Variants in EPB41L2 observed in about 807,000 individuals in gnomAD.
The protein encoded by EPB41L2 is erythrocyte membrane protein band 4.1 like 2.
A neutral mutation model predicts 113.0 loss-of-function variants in EPB41L2; 43 were observed. The ratio of observed to expected loss-of-function variants is 0.38; its 90% CI spans 0.30 to 0.49. EPB41L2 has a LOEUF of 0.49. EPB41L2 is among the 20% of genes least tolerant of loss of function. The pLI is 0.95. For synonymous variants in EPB41L2, 442 were observed against 436.7 expected (o/e 1.01, Z -0.15); for missense variants, 1,147 against 1,223.4 (o/e 0.94, Z 0.93).
At chr6:130,880,606 C>G in intron 12 of EPB41L2, 1 of 509,888 alleles carries the variant, frequency 2.0e-6, no homozygotes. Flanking sequence ...CCAACCTTTA[C>G]TGTGAGGCCC....
intron 1 of EPB41L2, among the ~76,000 whole-genome samples, chr6:130,995,679 T>C (rs1380960524): frequency 1.3e-5 from 2 of 152,336 alleles, no homozygotes; most frequent in South Asian, 2.1e-4. Flanking sequence ...ACATAGTATA[T>C]ATCTGAACCA....
intron 4 of EPB41L2, 83 bp from the exon 5 acceptor site, chr6:130,908,946 G>T: frequency 9.1e-7 from 1 of 1,095,364 alleles, no homozygotes; most frequent in Non-Finnish European, 1.3e-6. Flanking sequence ...AATTATTTAA[G>T]TGTAAACACA....
At chr6:130,947,023 C>A (rs1000657011) in intron 3 of EPB41L2, among the ~76,000 whole-genome samples, 2 of 142,972 alleles carry the variant, frequency 1.4e-5, no homozygotes, top group Non-Finnish European at 1.5e-5. Flanking sequence ...GAAGACCCCC[C>A]CCCCAGCCCC....
chr6:130,988,270 CA>C (rs933576551), intron 1 of EPB41L2, among the ~76,000 whole-genome samples: 18 of 152,116 alleles, frequency 1.2e-4, no homozygotes, highest in African/African-American at 4.1e-4. Context: ...TGCCAAGATT[CA>C]AGGCCAGAAG....
rs9375793 is a variant in EPB41L2, at chr6:130,998,143, G to A, written c.-14-41644C>T. ...ACTCCATTTTATAAGTAAGGAAATT[G>A]AGTCTTAGAGATATAACATAGCTCA... On this transcript the variant is annotated intron_variant, in intron 1 of 19. Coordinates refer to ENST00000337057, the MANE Select transcript of EPB41L2 (RefSeq NM_001431.4). Among the ~76,000 whole-genome samples the A allele has an allele frequency of 4.1e-3, 623 of 152,280 alleles. 38 individuals carry two copies. The East Asian group carries it at 0.095, about 23-fold the overall frequency.
chr6:130,915,085 C>T (rs1439104852), intron 4 of EPB41L2, among the ~76,000 whole-genome samples: 2 of 152,020 alleles, frequency 1.3e-5, no homozygotes, highest in African/African-American at 2.4e-5. Flanking sequence ...GGGCGGATCA[C>T]GAGGTCAGGA....
At chr6:130,857,549 C>CTTTTTTTTT (rs10557309) in intron 19 of EPB41L2, among the ~76,000 whole-genome samples, 1 of 72,818 alleles carries the variant, frequency 1.4e-5, no homozygotes, top group Non-Finnish European at 2.4e-5. Context: ...TCAGATGTAT[C>CTTTTTTTTT]TTTTTTTTTT....
intron 1 of EPB41L2, among the ~76,000 whole-genome samples, chr6:130,983,557 C>A (rs1398307084): frequency 6.7e-6 from 1 of 149,210 alleles, no homozygotes; most frequent in Non-Finnish European, 1.5e-5. Flanking sequence ...CTTGAGTTCA[C>A]CTGAAAGTTC....
chr6:130,941,852 TAA>T (rs1811011723), intron 3 of EPB41L2, among the ~76,000 whole-genome samples: 1 of 152,184 alleles, frequency 6.6e-6, no homozygotes, highest in Non-Finnish European at 1.5e-5. Flanking sequence ...CTCCAGAATA[TAA>T]GAGTCAAAAC....
intron 4 of EPB41L2, among the ~76,000 whole-genome samples, chr6:130,910,741 GA>G (rs1487329523): frequency 6.6e-6 from 1 of 152,192 alleles, no homozygotes; most frequent in Non-Finnish European, 1.5e-5. Flanking sequence ...CTCAAAAGAA[GA>G]CATTTATGTG....
At chr6:130,971,251 T>G (rs1222780582) in intron 1 of EPB41L2, among the ~76,000 whole-genome samples, 2 of 152,220 alleles carry the variant, frequency 1.3e-5, no homozygotes, top group Non-Finnish European at 2.9e-5. Context: ...CTTTTGCAGT[T>G]TGAGGTGCGA....
chr6:130,891,306 A>T (rs1355166162), intron 10 of EPB41L2, among the ~76,000 whole-genome samples: 3 of 151,920 alleles, frequency 2.0e-5, no homozygotes, highest in African/African-American at 7.3e-5. Context: ...TTTCTGTACA[A>T]TTTTTTTAGA....
chr6:130,910,456 C>T (rs932000042), intron 4 of EPB41L2, among the ~76,000 whole-genome samples: 1 of 152,208 alleles, frequency 6.6e-6, no homozygotes, highest in African/African-American at 2.4e-5. Context: ...CCATTCAGGA[C>T]ATAGGCATGG....
chr6:130,957,553 G>T (rs1817849032), intron 1 of EPB41L2, among the ~76,000 whole-genome samples: 1 of 151,888 alleles, frequency 6.6e-6, no homozygotes. Flanking sequence ...ACAGCTACTT[G>T]GGAGTCTGAG....
chr6:131,045,036 G>A (rs1234371387), intron 1 of EPB41L2, among the ~76,000 whole-genome samples: 1 of 152,074 alleles, frequency 6.6e-6, no homozygotes, highest in Non-Finnish European at 1.5e-5. Flanking sequence ...AGCAGATTTT[G>A]TCAAAAACAA....
chr6:130,971,957 G>T (rs984751775), intron 1 of EPB41L2, among the ~76,000 whole-genome samples: 3 of 152,100 alleles, frequency 2.0e-5, no homozygotes, highest in East Asian at 3.8e-4. Context: ...TTTTAACCTA[G>T]ATAGTATAGT....
intron 10 of EPB41L2, among the ~76,000 whole-genome samples, chr6:130,893,525 G>A (rs773012543): frequency 4.6e-5 from 7 of 152,196 alleles, no homozygotes; most frequent in Non-Finnish European, 7.3e-5. Flanking sequence ...AGTGGCAAAG[G>A]AAGTCAAAAG....
In EPB41L2 at chr6:130,910,762, CAT is replaced by C. The variant is rs534927666; in HGVS notation, c.811-1901_811-1900del. 1.6e-4 allele frequency among the ~76,000 whole-genome samples: 25 copies of C among 152,244 alleles called. No individual in the cohort carries two copies. In the South Asian group the frequency reaches 5.0e-3, roughly 30 times the overall value. On this transcript the variant is annotated intron_variant, in intron 4 of 19. Transcript: ENST00000337057. ...AGAAGACATTTATGTGGCCAACAAA[CAT>C]ATGAAAAAAAGCTCATCATCACTGG...
chr6:130,987,724 AAT>A (rs1780903026), intron 1 of EPB41L2, among the ~76,000 whole-genome samples: 1 of 151,792 alleles, frequency 6.6e-6, no homozygotes, highest in African/African-American at 2.4e-5. Flanking sequence ...TGAATGAATG[AAT>A]GAATGAATGT....
Sources: allele counts gnomAD v4.1 joint callset (sites outside exome capture counted in the v4.1 genomes callset), GRCh38; gene constraint gnomAD v4.1.1; transcripts MANE v1.5; gene names NCBI Gene and HGNC (gene_info 2026-07-23, HGNC 2026-07-21).